The following SNX29 variants were observed in gnomAD, a reference collection of about 807,000 sequenced individuals.
SNX29 encodes the protein sorting nexin 29, also known as sorting nexin-29.
In SNX29, 78 loss-of-function variants were observed where a neutral mutation model predicts 102.1. The observed-to-expected ratio is 0.76, with a 90% CI of 0.64 to 0.92. The LOEUF (loss-of-function observed/expected upper bound fraction) is 0.92, where lower values mean the gene tolerates loss of function less well. Among genes scored for constraint, SNX29 ranks in the 40% least tolerant of loss-of-function variants. SNX29 has a pLI of 0.00. For missense variants in SNX29, 1,280 were observed against 1,061.7 expected, an observed-to-expected ratio of 1.21 and a Z score of -2.86; for synonymous variants, 580 against 414.5, an observed-to-expected ratio of 1.40 and a Z score of -4.85.
At position 12,571,526 on chromosome 16, in the gene SNX29, G is replaced by A. The variant is rs2079187346; in HGVS notation, c.*2897G>A. On this transcript the variant is annotated 3_prime_UTR_variant, in exon 21 of 21. Transcript: ENST00000566228. ...ACCTCTCAAGGGCCTTGGATTCCTG[G>A]GACCACCCTTTGCTGGGAGGAAGAA... 1.2e-6 allele frequency: 1 copy of A among 814,272 alleles called. No individual in the cohort carries two copies. Among genetic ancestry groups the A allele is most frequent in the African/African-American group, 1.8e-5 (1 of 56,004 alleles). 50.4% of individuals were successfully genotyped at this position (814,272 alleles called of 1,614,324 possible). A position where few individuals can be genotyped will look rare whatever the true frequency, so the allele number is the denominator to read the frequency against.
chr16:12,396,330 A>T (rs991293833), intron 16 of SNX29, among the ~76,000 whole-genome samples: 1 of 152,186 alleles, frequency 6.6e-6, no homozygotes, highest in African/African-American at 2.4e-5. Context: ...TCTGTGGGGT[A>T]GATACAGCCA....
At chr16:12,386,502 T>G (rs1303665888) in intron 16 of SNX29, among the ~76,000 whole-genome samples, 2 of 152,164 alleles carry the variant, frequency 1.3e-5, no homozygotes, top group Admixed American at 1.3e-4. Flanking sequence ...TCCACGCTCT[T>G]CACTGCTCTG....
chr16:12,427,847 A>G (rs1567552419), intron 18 of SNX29, among the ~76,000 whole-genome samples: 1 of 152,246 alleles, frequency 6.6e-6, no homozygotes, highest in Non-Finnish European at 1.5e-5. Flanking sequence ...ACTTGGTGGG[A>G]GAAAGGAGAA....
intron 15 of SNX29, among the ~76,000 whole-genome samples, chr16:12,287,261 A>G (rs2079628138): frequency 6.6e-6 from 1 of 152,242 alleles, no homozygotes; most frequent in African/African-American, 2.4e-5. Flanking sequence ...TGCAGGCTCC[A>G]CCAGCGTATG....
In SNX29 at chr16:12,572,471, A is replaced by T; in HGVS notation, c.*3842A>T. ...TGCATGGTACATTTTGCCAACCCTGAGGACCAGTTCTTGGGGTTCCAGGCC... is the reference window on the plus strand; with the variant it reads ...TGCATGGTACATTTTGCCAACCCTGTGGACCAGTTCTTGGGGTTCCAGGCC... On this transcript the variant is annotated 3_prime_UTR_variant, in exon 21 of 21. Coordinates refer to ENST00000566228, the MANE Select transcript of SNX29 (RefSeq NM_032167.5). The T allele has an allele frequency of 9.4e-7, 1 of 1,063,748 alleles. No homozygotes were observed. The allele number at this position is 1,063,748 out of a possible 1,614,324, so 65.9% of individuals were successfully genotyped here.
intron 20 of SNX29, among the ~76,000 whole-genome samples, chr16:12,553,392 TAAG>T (rs989622138): frequency 1.4e-4 from 21 of 152,212 alleles, no homozygotes; most frequent in African/African-American, 4.8e-4. Context: ...GTTGAACATA[TAAG>T]TAGTTCTGGT....
At chr16:12,442,953 C>T (rs1162545474) in intron 18 of SNX29, 1 of 453,846 alleles carries the variant, frequency 2.2e-6, no homozygotes, top group South Asian at 1.6e-5. Context: ...ATATACTTTG[C>T]CCATGCTAAA....
intron 14 of SNX29, among the ~76,000 whole-genome samples, chr16:12,217,917 T>G (rs1300697609): frequency 2.0e-5 from 3 of 152,234 alleles, no homozygotes; most frequent in African/African-American, 7.2e-5. Context: ...AGTTTTAAAC[T>G]ACTCTTTCTG....
At chr16:12,184,275 C>G (rs1001230735) in intron 13 of SNX29, among the ~76,000 whole-genome samples, 2 of 152,122 alleles carry the variant, frequency 1.3e-5, no homozygotes, top group African/African-American at 2.4e-5. Context: ...ATAGCCATTT[C>G]TTCCCAAGTC....
At chr16:12,536,713 C>T (rs144901725) in intron 20 of SNX29, among the ~76,000 whole-genome samples, 70 of 152,276 alleles carry the variant, frequency 4.6e-4, no homozygotes, top group African/African-American at 1.6e-3. Flanking sequence ...CGTGGTGGCT[C>T]ACGCCTGTAA....
chr16:12,571,672 A>C lies in SNX29; in HGVS notation c.*3043A>C. 1 of 1,059,258 alleles carries C rather than the reference A, an allele frequency of 9.4e-7. No homozygotes were observed. The highest frequency in any genetic ancestry group is 4.6e-5 in the South Asian group (1 of 21,906). 65.6% of individuals were successfully genotyped at this position (1,059,258 alleles called of 1,614,324 possible). ...CGACTCAGGAACGGTAGGGCTGGGCAGAGGTGTCTCTCCTTGAGAGACAAC... is the reference window on the plus strand; with the variant it reads ...CGACTCAGGAACGGTAGGGCTGGGCCGAGGTGTCTCTCCTTGAGAGACAAC... On this transcript the variant is annotated 3_prime_UTR_variant, in exon 21 of 21. Coordinates refer to ENST00000566228, the MANE Select transcript of SNX29 (RefSeq NM_032167.5).
At position 12,051,938 on chromosome 16, in the gene SNX29, C is replaced by T. The variant is rs138978522; in HGVS notation, c.840C>T (p.Asp280=). 17 of 1,613,364 alleles carry T rather than the reference C, an allele frequency of 1.1e-5. No individual in the cohort carries two copies. The highest frequency in any genetic ancestry group is 5.0e-5 in the Admixed American group (3 of 59,926). ...DDEEDEQNSG[D]VFKKTPGAGE... ...AGGAAGATGAGCAGAACTCTGGGGA[C>T]GTGTTTAAAAAGACACCTGGGGCAG... Residue 280 remains aspartate (D), a synonymous_variant, in exon 8 of 21, where the codon GAC becomes GAT. Coordinates refer to ENST00000566228, the MANE Select transcript of SNX29 (RefSeq NM_032167.5).
At chr16:11,990,484 A>G (rs879931742) in intron 1 of SNX29, among the ~76,000 whole-genome samples, 4 of 151,984 alleles carry the variant, frequency 2.6e-5, no homozygotes, top group Non-Finnish European at 5.9e-5. Context: ...TGCCCCGGGC[A>G]TATATTGGGC....
chr16:12,195,865 G>A (rs1567299869), intron 13 of SNX29, among the ~76,000 whole-genome samples: 1 of 152,158 alleles, frequency 6.6e-6, no homozygotes, highest in African/African-American at 2.4e-5. Context: ...GACACCAAGT[G>A]TGTGGCAGAG....
At chr16:12,380,607 A>ACCAT (rs1351443471) in intron 16 of SNX29, among the ~76,000 whole-genome samples, 1 of 94,594 alleles carries the variant, frequency 1.1e-5, no homozygotes, top group Non-Finnish European at 2.2e-5. Flanking sequence ...CCACCCATCC[A>ACCAT]CCATCCATCC....
chr16:12,517,643 C>A (rs1208434466), intron 19 of SNX29, among the ~76,000 whole-genome samples: 1 of 152,158 alleles, frequency 6.6e-6, no homozygotes, highest in Non-Finnish European at 1.5e-5. Context: ...GTGATAGGCT[C>A]CGGCGATAAA....
At chr16:12,550,654 G>T (rs546191800) in intron 20 of SNX29, among the ~76,000 whole-genome samples, 2 of 152,128 alleles carry the variant, frequency 1.3e-5, no homozygotes, top group Non-Finnish European at 2.9e-5. Flanking sequence ...CCGTCACTTA[G>T]TGGAGGACCA....
intron 20 of SNX29, among the ~76,000 whole-genome samples, chr16:12,555,436 C>G (rs371537454): frequency 6.6e-6 from 1 of 152,036 alleles, no homozygotes; most frequent in Non-Finnish European, 1.5e-5. Context: ...GTAGGAGACA[C>G]TCATGTACGC....
chr16:12,070,167 C>A (rs554227141), intron 10 of SNX29, among the ~76,000 whole-genome samples: 1 of 151,942 alleles, frequency 6.6e-6, no homozygotes, highest in Non-Finnish European at 1.5e-5. Context: ...ATTGAGTTCT[C>A]CCAAGTTGTT....
Sources: allele counts gnomAD v4.1 joint callset (sites outside exome capture counted in the v4.1 genomes callset), GRCh38; gene constraint gnomAD v4.1.1; transcripts MANE v1.5; gene names NCBI Gene and HGNC (gene_info 2026-07-23, HGNC 2026-07-21).